OTOP1: variants seen among roughly 807,000 people sequenced by gnomAD.
OTOP1 encodes the protein otopetrin 1, also known as proton channel OTOP1.
Under a neutral mutation model 52.9 loss-of-function variants are expected in OTOP1, and 59 were observed. The ratio of observed to expected loss-of-function variants is 1.12; its 90% CI spans 0.91 to 1.39. The LOEUF is 1.39. Ranked by LOEUF, OTOP1 falls within the 40% of genes most tolerant of loss-of-function variation. The pLI is 0.00. For synonymous variants in OTOP1, 317 were observed against 337.7 expected (o/e 0.94, Z 0.67); for missense variants, 761 against 800.9 (o/e 0.95, Z 0.60).
intron 5 of OTOP1, among the ~76,000 whole-genome samples, chr4:4,190,877 G>A (rs185531473): frequency 6.6e-6 from 1 of 152,054 alleles, no homozygotes; most frequent in Admixed American, 6.6e-5. Context: ...CAGCGTCCAG[G>A]GATCTTTCCT....
At chr4:4,220,000 T>TATATAC (rs1321985065) in intron 1 of OTOP1, among the ~76,000 whole-genome samples, 1 of 54,976 alleles carries the variant, frequency 1.8e-5, no homozygotes, top group African/African-American at 1.3e-4. Flanking sequence ...TAGGTGTATA[T>TATATAC]ACATATATAT....
intron 1 of OTOP1, among the ~76,000 whole-genome samples, chr4:4,223,170 C>T (rs1221718517): frequency 6.6e-6 from 1 of 152,240 alleles, no homozygotes; most frequent in Non-Finnish European, 1.5e-5. Context: ...CTCTACCTTG[C>T]CCATTTATTC....
Position 4,197,422 on chromosome 4 carries a change from G to A in OTOP1, c.1412C>T (p.Thr471Ile), listed in dbSNP as rs149613259. 4 of 1,614,004 alleles carry A rather than the reference G, an allele frequency of 2.5e-6. No individual in the cohort carries two copies. In the African/African-American group the frequency reaches 5.3e-5, roughly 22 times the overall value. The change falls in exon 5 of 6, where the codon ACC (threonine) becomes ATC (isoleucine). Residue 471 changes from threonine (T) to isoleucine (I), a missense_variant. Coordinates refer to ENST00000296358, the MANE Select transcript of OTOP1 (RefSeq NM_177998.3). Reference protein sequence around the residue: ...LRVVTVCNGNTMPLASSCPKS... With the variant: ...LRVVTVCNGNIMPLASSCPKS... ...GGGGCAGGAAGAAGCAAGGGGCATG[G>A]TGTTGCCATTGCAGACTGTGACCAC...
chr4:4,189,880 C>T (rs568298248), intron 5 of OTOP1, among the ~76,000 whole-genome samples: 2 of 152,340 alleles, frequency 1.3e-5, no homozygotes, highest in East Asian at 1.9e-4. Context: ...TGCCACCTCT[C>T]GCAAAGTCAA....
At chr4:4,220,207 A>T (rs1490829479) in intron 1 of OTOP1, among the ~76,000 whole-genome samples, 1 of 149,184 alleles carries the variant, frequency 6.7e-6, no homozygotes, top group Admixed American at 6.7e-5. Flanking sequence ...GATTCAAGGG[A>T]TTCTCCTGCC....
intron 1 of OTOP1, among the ~76,000 whole-genome samples, chr4:4,225,172 C>T (rs1162284958): frequency 6.6e-6 from 1 of 152,210 alleles, no homozygotes; most frequent in Non-Finnish European, 1.5e-5. Flanking sequence ...GTGAAATGCA[C>T]TTGGCCTCTC....
intron 2 of OTOP1, among the ~76,000 whole-genome samples, chr4:4,207,921 A>T (rs1716942347): frequency 6.6e-6 from 1 of 152,190 alleles, no homozygotes; most frequent in South Asian, 2.1e-4. Context: ...AAATTTTTTT[A>T]TAAAGGTATG....
In OTOP1 at chr4:4,202,591, A is replaced by T; in HGVS notation, c.600-13T>A. 6.2e-7 allele frequency: 1 copy of T among 1,612,888 alleles called. No individual in the cohort carries two copies. Among genetic ancestry groups the T allele is most frequent in the Non-Finnish European group, 8.5e-7 (1 of 1,179,208 alleles). ...GATCACTCCAAACCTGAAAAACACA[A>T]GGACTCAGTTCTCAAGCAGCCCTGG... On this transcript the variant is annotated splice_polypyrimidine_tract_variant and intron_variant, in intron 3 of 5. Transcript: ENST00000296358.
At chr4:4,210,483 G>A (rs111298067) in intron 2 of OTOP1, among the ~76,000 whole-genome samples, 6,091 of 152,212 alleles carry the variant, frequency 0.04, 398 homozygotes, top group African/African-American at 0.14. Flanking sequence ...TTCCTCCAGT[G>A]TCTTTACATG....
At chr4:4,220,596 T>G (rs1717278346) in intron 1 of OTOP1, among the ~76,000 whole-genome samples, 2 of 152,188 alleles carry the variant, frequency 1.3e-5, no homozygotes, top group African/African-American at 4.8e-5. Flanking sequence ...GCTGAGGAGA[T>G]TGAGTGAGTC....
At chr4:4,201,471 TACAC>T (rs762922216) in intron 4 of OTOP1, among the ~76,000 whole-genome samples, 44 of 140,856 alleles carry the variant, frequency 3.1e-4, no homozygotes, top group South Asian at 4.7e-4. Context: ...TATATATATA[TACAC>T]ACACACACAC....
chr4:4,213,065 C>A, intron 1 of OTOP1, 61 bp from the exon 2 acceptor site: 1 of 1,563,384 alleles, frequency 6.4e-7, no homozygotes, highest in South Asian at 1.1e-5. Flanking sequence ...ACATTGATGT[C>A]ATTTCAAAAT....
chr4:4,200,662 A>T (rs2916417), intron 4 of OTOP1, among the ~76,000 whole-genome samples: 83,578 of 146,550 alleles, frequency 0.57, 24,082 homozygotes, highest in South Asian at 0.64. Flanking sequence ...CAAGTGATCC[A>T]CCTGCGTCAG....
intron 1 of OTOP1, among the ~76,000 whole-genome samples, chr4:4,220,966 C>A (rs1359155533): frequency 6.6e-6 from 1 of 152,108 alleles, no homozygotes; most frequent in Non-Finnish European, 1.5e-5. Flanking sequence ...AAGCTCAGGG[C>A]TAGGAGGCTC....
intron 4 of OTOP1, among the ~76,000 whole-genome samples, chr4:4,198,525 G>C (rs867646491): frequency 6.6e-6 from 1 of 152,142 alleles, no homozygotes; most frequent in Non-Finnish European, 1.5e-5. Flanking sequence ...TTGCTTCCCT[G>C]TATTTTCTAA....
chr4:4,220,080 CATAT>C (rs757774792), intron 1 of OTOP1, among the ~76,000 whole-genome samples: 2,852 of 38,618 alleles, frequency 0.074, 254 homozygotes, highest in African/African-American at 0.22. Context: ...TATATGTATA[CATAT>C]ATATATATAT....
At chr4:4,193,512 T>C (rs1187622282) in intron 5 of OTOP1, among the ~76,000 whole-genome samples, 1 of 152,026 alleles carries the variant, frequency 6.6e-6, no homozygotes, top group Non-Finnish European at 1.5e-5. Flanking sequence ...AGACAGCTCT[T>C]GCTCTCTGCC....
Position 4,202,478 on chromosome 4 carries a change from T to C in OTOP1, c.700A>G (p.Ile234Val), listed in dbSNP as rs377576445. 18 of 1,614,044 alleles carry C rather than the reference T, an allele frequency of 1.1e-5. No individual in the cohort carries two copies. The East Asian group carries it at 3.6e-4, about 32-fold the overall frequency. Residue 234 changes from isoleucine (I) to valine (V), a missense_variant, in exon 4 of 6, where the codon ATC (isoleucine) becomes GTC (valine). Transcript: ENST00000296358. ...GTTATGTTCCCAAAACCCAGAGTGA[T>C]GAGCCGTTCCTTGTGCTCATTGAGT... The part of the protein sequence containing the change: ...HQLNEHKERL[I>V]TLGFGNITTV...
intron 5 of OTOP1, among the ~76,000 whole-genome samples, chr4:4,193,212 C>T (rs1560204397): frequency 6.6e-6 from 1 of 152,030 alleles, no homozygotes; most frequent in Admixed American, 6.6e-5. Flanking sequence ...TCCAGTGAGC[C>T]CTGCCTTGCC....
Sources: gnomAD v4.1 joint callset for allele counts (sites outside exome capture counted in the v4.1 genomes callset) on GRCh38, gnomAD v4.1.1 for gene constraint, MANE v1.5 for transcripts, NCBI Gene and HGNC (gene_info 2026-07-23, HGNC 2026-07-21) for gene names.